The following PTPRA variants were observed in gnomAD, a reference collection of about 807,000 sequenced individuals.
PTPRA encodes the protein receptor-type tyrosine-protein phosphatase alpha.
In PTPRA, 25 loss-of-function variants were observed where a neutral mutation model predicts 104.8. That is an observed-to-expected ratio of 0.24 (90% CI 0.17 to 0.33). PTPRA has a LOEUF of 0.33. PTPRA is among the 10% of genes least tolerant of loss of function. The probability of loss-of-function intolerance (pLI) is 1.00; values close to 1 mark genes in which losing one functional copy is unlikely to be tolerated. For missense variants in PTPRA, 765 were observed against 1,015.3 expected (o/e 0.75, Z 3.35); for synonymous variants, 323 against 368.9 (o/e 0.88, Z 1.43).
chr20:2,885,313 G>A (rs960371947), intron 1 of PTPRA, among the ~76,000 whole-genome samples: 4 of 152,046 alleles, frequency 2.6e-5, no homozygotes, highest in Non-Finnish European at 4.4e-5. Context: ...TGATTTTGTT[G>A]CATCTATAAA....
chr20:3,014,041 A>C (rs953921351), intron 11 of PTPRA, among the ~76,000 whole-genome samples: 5 of 152,216 alleles, frequency 3.3e-5, no homozygotes, highest in African/African-American at 9.6e-5. Context: ...TGCTGCAATG[A>C]GAATTTAGCA....
At chr20:2,890,366 ATAGT>A (rs914827621) in intron 1 of PTPRA, among the ~76,000 whole-genome samples, 25 of 152,242 alleles carry the variant, frequency 1.6e-4, no homozygotes, top group African/African-American at 5.3e-4. Context: ...CTTGGGCAAA[ATAGT>A]TAGCTCTTCT....
intron 1 of PTPRA, among the ~76,000 whole-genome samples, chr20:2,878,323 C>T (rs1441048562): frequency 6.6e-6 from 1 of 152,136 alleles, no homozygotes; most frequent in Non-Finnish European, 1.5e-5. Flanking sequence ...AATGATCTTC[C>T]CATCTCAGCC....
intron 9 of PTPRA, 41 bp from the exon 10 acceptor site, chr20:3,005,015 A>T (rs769442210): frequency 4.0e-6 from 6 of 1,512,962 alleles, no homozygotes; most frequent in Non-Finnish European, 5.5e-6. Context: ...TTTGATGTTT[A>T]TCCCTGCTAA....
the PTPRA span, among the ~76,000 whole-genome samples, chr20:2,868,415 C>T: frequency 4.0e-5 from 6 of 149,570 alleles, no homozygotes; most frequent in Admixed American, 1.3e-4. Context: ...CCTCCCTCCT[C>T]AGCATCTCAA....
intron 2 of PTPRA, among the ~76,000 whole-genome samples, chr20:2,937,127 C>CTTT (rs5839977): frequency 1.1e-4 from 15 of 136,924 alleles, no homozygotes; most frequent in African/African-American, 1.4e-4. Context: ...CTTTCTTCTT[C>CTTT]TTTTTTTTTT....
At chr20:3,016,008 C>T (rs2064429269) in intron 12 of PTPRA, 123 bp downstream of exon 12, 1 of 932,650 alleles carries the variant, frequency 1.1e-6, no homozygotes, top group African/African-American at 1.7e-5. Flanking sequence ...CTTTTTACCA[C>T]CTGAAAGAAT....
chr20:3,013,845 T>C lies in PTPRA; in HGVS notation c.907-2004T>C, dbSNP rs367565049. 2.8e-4 allele frequency among the ~76,000 whole-genome samples: 43 copies of C among 152,312 alleles called. No individual in the cohort carries two copies. In the East Asian group the frequency reaches 4.8e-3, roughly 17 times the overall value. On this transcript the variant is annotated intron_variant, in intron 11 of 23. Coordinates refer to ENST00000399903, the MANE Select transcript of PTPRA (RefSeq NM_001385305.1). ...AGGGAGCCACATTTCATCTTTCCCT[T>C]GAACAGAACACAAGATCAGTGGCTT... is the stretch of plus-strand genomic sequence containing the variant.
intron 20 of PTPRA, among the ~76,000 whole-genome samples, chr20:3,030,895 G>A (rs2065420045): frequency 6.6e-6 from 1 of 151,922 alleles, no homozygotes; most frequent in South Asian, 2.1e-4. Flanking sequence ...GGCCATGCTG[G>A]TCTCAAACTC....
chr20:2,929,642 T>C (rs1468970881), intron 2 of PTPRA, among the ~76,000 whole-genome samples: 1 of 151,990 alleles, frequency 6.6e-6, no homozygotes, highest in Non-Finnish European at 1.5e-5. Context: ...CTGGGAAACA[T>C]GGGGAGATCC....
intron 13 of PTPRA, among the ~76,000 whole-genome samples, chr20:3,018,617 T>G (rs1433828539): frequency 1.3e-5 from 2 of 151,844 alleles, no homozygotes; most frequent in Non-Finnish European, 2.9e-5. Flanking sequence ...GTCTCCCATG[T>G]CTACTTCTTT....
the PTPRA span, chr20:2,865,606 C>G: frequency 1.0e-6 from 1 of 1,000,736 alleles, no homozygotes; most frequent in Non-Finnish European, 1.5e-6. This position sits in a 1 kb window ranked among gnomAD's most constrained non-coding sequence, Gnocchi z 5.2. Context: ...TTCAGCTGCC[C>G]GCATAGTTAG....
chr20:3,002,551 A>G (rs1304363115), intron 9 of PTPRA, among the ~76,000 whole-genome samples: 1 of 151,826 alleles, frequency 6.6e-6, no homozygotes, highest in African/African-American at 2.4e-5. Context: ...GGTCTCGAAC[A>G]CCAGACCTCA....
At chr20:2,935,659 AGT>A (rs1199496633) in intron 2 of PTPRA, among the ~76,000 whole-genome samples, 1 of 152,092 alleles carries the variant, frequency 6.6e-6, no homozygotes, top group African/African-American at 2.4e-5. Flanking sequence ...TGTAAGCTCA[AGT>A]GATCTACTTC....
At chr20:2,924,281 A>G (rs904643981) in intron 2 of PTPRA, among the ~76,000 whole-genome samples, 3 of 152,208 alleles carry the variant, frequency 2.0e-5, no homozygotes, top group African/African-American at 4.8e-5. Flanking sequence ...TCACGCCTGT[A>G]ATCCCAGCTA....
Position 2,905,790 on chromosome 20 carries a change from T to C in PTPRA, c.-128-17417T>C, listed in dbSNP as rs377053498. On this transcript the variant is annotated intron_variant, in intron 1 of 23. Transcript: ENST00000399903. Reference sequence around the variant, plus strand: ...ACCTCTGCCTCCTGGGTTCAAATGATTCTCCTGTCTCAGCCTGCCGAATAG... The same window carrying C: ...ACCTCTGCCTCCTGGGTTCAAATGACTCTCCTGTCTCAGCCTGCCGAATAG... Among the ~76,000 whole-genome samples the C allele has an allele frequency of 1.2e-4, 18 of 151,448 alleles. No individual in the cohort carries two copies. In the East Asian group the frequency reaches 2.9e-3, roughly 24 times the overall value.
intron 1 of PTPRA, among the ~76,000 whole-genome samples, chr20:2,908,423 A>G (rs1172720578): frequency 6.6e-6 from 1 of 152,224 alleles, no homozygotes; most frequent in Non-Finnish European, 1.5e-5. Flanking sequence ...CAGATACAGA[A>G]CAGTGAAATT....
At chr20:2,889,988 A>T (rs2058734536) in intron 1 of PTPRA, among the ~76,000 whole-genome samples, 1 of 151,890 alleles carries the variant, frequency 6.6e-6, no homozygotes, top group African/African-American at 2.4e-5. Context: ...GGCTCAAGTG[A>T]TCCTCCCGCC....
chr20:2,934,035 G>T (rs2060602677), intron 2 of PTPRA, among the ~76,000 whole-genome samples: 1 of 152,116 alleles, frequency 6.6e-6, no homozygotes, highest in South Asian at 2.1e-4. Flanking sequence ...AACCATTTTG[G>T]AATATTGCAT....
Sources: allele counts gnomAD v4.1 joint callset (sites outside exome capture counted in the v4.1 genomes callset), GRCh38; gene constraint gnomAD v4.1.1; non-coding constraint Gnocchi (gnomAD v3.1); transcripts MANE v1.5; gene names NCBI Gene and HGNC (gene_info 2026-07-23, HGNC 2026-07-21).